Variants in INVS observed in about 807,000 individuals in gnomAD.
INVS encodes inversin.
Under a neutral mutation model 108.8 loss-of-function variants are expected in INVS, and 86 were observed. That is an observed-to-expected ratio of 0.79 (90% CI 0.66 to 0.95). INVS has a LOEUF of 0.95. INVS is among the 40% of genes least tolerant of loss of function. INVS has a pLI of 0.00. For missense variants in INVS, 1,169 were observed against 1,297.4 expected, an observed-to-expected ratio of 0.90 and a Z score of 1.52; for synonymous variants, 455 against 473.5, an observed-to-expected ratio of 0.96 and a Z score of 0.51.
At chr9:100,146,790 A>T (rs10988982) in intron 3 of INVS, among the ~76,000 whole-genome samples, 32,017 of 152,182 alleles carry the variant, frequency 0.21, 5,733 homozygotes, top group African/African-American at 0.49. Context: ...TATAGCTAAC[A>T]TATGGATGAA....
chr9:100,241,090 T>G (rs1831855888), intron 6 of INVS, among the ~76,000 whole-genome samples: 1 of 152,180 alleles, frequency 6.6e-6, no homozygotes, highest in Non-Finnish European at 1.5e-5. Flanking sequence ...TAATGTAATC[T>G]GAGATTTCCC....
intron 11 of INVS, among the ~76,000 whole-genome samples, chr9:100,266,996 G>C: frequency 8.7e-6 from 1 of 115,384 alleles, no homozygotes. Context: ...AGGGAGAGCT[G>C]AAGATGTCTC....
At chr9:100,297,649 A>G (rs1833828321) in intron 15 of INVS, among the ~76,000 whole-genome samples, 1 of 152,264 alleles carries the variant, frequency 6.6e-6, no homozygotes, top group Admixed American at 6.5e-5. Context: ...AGCTCTGCAA[A>G]GAGCCCATCC....
chr9:100,180,271 A>G (rs796237542), intron 3 of INVS, among the ~76,000 whole-genome samples: 3 of 152,178 alleles, frequency 2.0e-5, no homozygotes, highest in African/African-American at 7.2e-5. Flanking sequence ...ACAAGAAATA[A>G]CTAAGATCAG....
chr9:100,237,876 T>C (rs192846912), intron 5 of INVS, among the ~76,000 whole-genome samples: 1 of 152,150 alleles, frequency 6.6e-6, no homozygotes, highest in East Asian at 1.9e-4. Flanking sequence ...GGTTTTTTGT[T>C]TGTTTGGTTT....
rs1191437670 is a variant in INVS, at chr9:100,301,640, C to T, written c.*966C>T. 6.6e-6 allele frequency among the ~76,000 whole-genome samples: 1 copy of T among 152,110 alleles called. No individual in the cohort carries two copies. Among genetic ancestry groups the T allele is most frequent in the Non-Finnish European group, 1.5e-5 (1 of 68,018 alleles). On this transcript the variant is annotated 3_prime_UTR_variant, in exon 17 of 17. Coordinates refer to ENST00000262457, the MANE Select transcript of INVS (RefSeq NM_014425.5). ...TCTTTCACATTGTTTAAGGGGAAAG[C>T]TGCTGTGAGAATATTGACAGTAGGC...
chr9:100,145,915 G>A (rs895235256), intron 3 of INVS, among the ~76,000 whole-genome samples: 8 of 152,214 alleles, frequency 5.3e-5, no homozygotes, highest in African/African-American at 1.7e-4. Context: ...GGAGAAAGTG[G>A]TTGAGGGATA....
At chr9:100,247,665 C>A (rs1227685710) in intron 8 of INVS, among the ~76,000 whole-genome samples, 1 of 109,624 alleles carries the variant, frequency 9.1e-6, no homozygotes, top group African/African-American at 4.1e-5. Flanking sequence ...AGGGGAGTTG[C>A]TTTACTTAAA....
chr9:100,196,873 A>T (rs1388746174), intron 3 of INVS, among the ~76,000 whole-genome samples: 2 of 152,050 alleles, frequency 1.3e-5, no homozygotes, highest in African/African-American at 2.4e-5. Context: ...GAGAAAACAC[A>T]CTTCACCTGT....
chr9:100,220,138 A>T (rs913194675), intron 3 of INVS, among the ~76,000 whole-genome samples: 11 of 151,666 alleles, frequency 7.3e-5, no homozygotes, highest in Non-Finnish European at 1.5e-4. Flanking sequence ...CTTTTTTTTT[A>T]AAAAAAGGAG....
chr9:100,199,453 CTGTTT>C (rs1273198627), intron 3 of INVS, among the ~76,000 whole-genome samples: 1 of 151,954 alleles, frequency 6.6e-6, no homozygotes, highest in Non-Finnish European at 1.5e-5. Context: ...TCCTTTCAAT[CTGTTT>C]TCTTTTTCTC....
intron 3 of INVS, among the ~76,000 whole-genome samples, chr9:100,148,049 G>A (rs966063473): frequency 5.3e-4 from 80 of 151,244 alleles, no homozygotes; most frequent in African/African-American, 1.7e-3. Flanking sequence ...AAATTTAGCC[G>A]GCCATGGCAA....
chr9:100,265,038 G>GT, intron 11 of INVS, 110 bp downstream of exon 11: 1 of 741,128 alleles, frequency 1.3e-6, no homozygotes, highest in South Asian at 1.5e-5. Flanking sequence ...CGCCTCCTGG[G>GT]TTCAAGCAAT....
chr9:100,300,724 G>C lies in INVS; in HGVS notation c.*50G>C, dbSNP rs1833942373. 4 of 1,291,734 alleles carry C rather than the reference G, an allele frequency of 3.1e-6. No homozygotes were observed. 80.0% of individuals were successfully genotyped at this position (1,291,734 alleles called of 1,614,324 possible). The stretch of plus-strand genomic sequence containing the variant: ...CGGGGGAGCTGGCATAGCTAGTGCA[G>C]AGTTCAGATTTTCTGCTGATAATCT... On this transcript the variant is annotated 3_prime_UTR_variant, in exon 17 of 17. Coordinates refer to ENST00000262457, the MANE Select transcript of INVS (RefSeq NM_014425.5).
intron 3 of INVS, among the ~76,000 whole-genome samples, chr9:100,155,974 A>G (rs1828965784): frequency 6.6e-6 from 1 of 152,208 alleles, no homozygotes; most frequent in South Asian, 2.1e-4. Context: ...AACCCCATGA[A>G]GGATCACCTC....
At chr9:100,262,437 G>C (rs958193792) in intron 10 of INVS, among the ~76,000 whole-genome samples, 1 of 151,688 alleles carries the variant, frequency 6.6e-6, no homozygotes, top group African/African-American at 2.4e-5. Context: ...TTTCAGCTTG[G>C]TAAGTTGTAC....
intron 8 of INVS, among the ~76,000 whole-genome samples, chr9:100,251,577 T>C (rs1832238284): frequency 6.6e-6 from 1 of 152,200 alleles, no homozygotes; most frequent in Non-Finnish European, 1.5e-5. Flanking sequence ...TCTTTTCTTT[T>C]TTTGAGATGA....
intron 3 of INVS, among the ~76,000 whole-genome samples, chr9:100,189,212 ATGTT>A (rs1228232769): frequency 9.1e-6 from 1 of 110,270 alleles, no homozygotes; most frequent in African/African-American, 3.3e-5. Flanking sequence ...TATATTGTTT[ATGTT>A]TGTTTGTTTC....
chr9:100,265,524 CAT>C (rs1832763306), intron 11 of INVS, among the ~76,000 whole-genome samples: 1 of 152,156 alleles, frequency 6.6e-6, no homozygotes, highest in African/African-American at 2.4e-5. Context: ...TTCTGGCTAA[CAT>C]AACGTCAGTG....
Sources: gnomAD v4.1 joint callset for allele counts (sites outside exome capture counted in the v4.1 genomes callset) on GRCh38, gnomAD v4.1.1 for gene constraint, MANE v1.5 for transcripts, NCBI Gene and HGNC (gene_info 2026-07-23, HGNC 2026-07-21) for gene names.